STPG2: variants seen among roughly 807,000 people sequenced by gnomAD.
STPG2 encodes the protein sperm tail PG-rich repeat containing 2, also known as sperm-tail PG-rich repeat-containing protein 2.
STPG2 carries 56 observed loss-of-function variants against 54.2 expected under a neutral mutation model. That is an observed-to-expected ratio of 1.03 (90% CI 0.83 to 1.29). The LOEUF (loss-of-function observed/expected upper bound fraction) is 1.29. Among genes scored for constraint, STPG2 ranks in the 50% most tolerant of loss-of-function variants. The pLI, the probability that STPG2 is intolerant of heterozygous loss-of-function variation, is 0.00. For synonymous variants in STPG2, 200 were observed against 181.8 expected (o/e 1.10, Z -0.81); for missense variants, 596 against 544.9 (o/e 1.09, Z -0.93).
intron 3 of STPG2, among the ~76,000 whole-genome samples, chr4:98,117,568 C>T (rs949136455): frequency 5.3e-5 from 8 of 151,878 alleles, no homozygotes; most frequent in Non-Finnish European, 1.0e-4. Context: ...TTGGTATACT[C>T]GACAGTGTCC....
chr4:97,616,092 A>ATATATATATATATAGATATATATATATG (rs764342142), intron 10 of STPG2, among the ~76,000 whole-genome samples: 1 of 63,268 alleles, frequency 1.6e-5, no homozygotes, highest in Non-Finnish European at 3.5e-5. Flanking sequence ...ATATATATAT[A>ATATATATATATATAGATATATATATATG]TATGTATGTA....
At chr4:97,917,775 T>G (rs1731940343) in intron 8 of STPG2, among the ~76,000 whole-genome samples, 1 of 152,016 alleles carries the variant, frequency 6.6e-6, no homozygotes, top group Non-Finnish European at 1.5e-5. Flanking sequence ...GAAAACCCAC[T>G]CTCTGGACAC....
intron 4 of STPG2, among the ~76,000 whole-genome samples, chr4:97,547,855 T>C (rs940468335): frequency 9.2e-5 from 14 of 152,126 alleles, no homozygotes; most frequent in Middle Eastern, 6.8e-3. Context: ...TTTAGCTGTA[T>C]AAAGAGAAAC....
At chr4:98,029,809 C>CTTTGA (rs1404186070) in intron 5 of STPG2, among the ~76,000 whole-genome samples, 1 of 152,132 alleles carries the variant, frequency 6.6e-6, no homozygotes, top group East Asian at 1.9e-4. Context: ...GCAGCCTGAA[C>CTTTGA]GTACTATAGA....
intron 8 of STPG2, among the ~76,000 whole-genome samples, chr4:97,860,504 T>TTTATTTTATTTTATTTTA: frequency 9.3e-6 from 1 of 107,266 alleles, no homozygotes; most frequent in Non-Finnish European, 1.9e-5. Flanking sequence ...TTTATTTTAT[T>TTTATTTTATTTTATTTTA]TTATTTTATT....
chr4:97,738,470 T>A (rs1273549721), intron 9 of STPG2, among the ~76,000 whole-genome samples: 1 of 152,032 alleles, frequency 6.6e-6, no homozygotes, highest in Non-Finnish European at 1.5e-5. Flanking sequence ...GAAACCCATC[T>A]CACGTGCAGA....
At chr4:98,003,774 T>TATTC (rs1423247007) in intron 5 of STPG2, among the ~76,000 whole-genome samples, 2 of 152,114 alleles carry the variant, frequency 1.3e-5, no homozygotes, top group African/African-American at 4.8e-5. Context: ...AATCTGAATG[T>TATTC]ATTCATACTT....
At chr4:97,577,751 T>C (rs1453895797) in intron 10 of STPG2, among the ~76,000 whole-genome samples, 1 of 152,162 alleles carries the variant, frequency 6.6e-6, no homozygotes, top group Admixed American at 6.6e-5. Flanking sequence ...AAATAAATAG[T>C]TCATCTTTTT....
At chr4:97,862,308 A>G (rs945069206) in intron 8 of STPG2, among the ~76,000 whole-genome samples, 2 of 152,114 alleles carry the variant, frequency 1.3e-5, no homozygotes, top group Non-Finnish European at 2.9e-5. Context: ...AGTCTATGAT[A>G]AAACAGACTT....
intron 8 of STPG2, among the ~76,000 whole-genome samples, chr4:97,924,919 T>C (rs1732278639): frequency 6.6e-6 from 1 of 152,238 alleles, no homozygotes; most frequent in African/African-American, 2.4e-5. Context: ...AAATGTTGGA[T>C]GGATGCCATA....
intron 10 of STPG2, among the ~76,000 whole-genome samples, chr4:97,699,453 A>AT (rs778232406): frequency 6.6e-6 from 1 of 152,212 alleles, no homozygotes; most frequent in Non-Finnish European, 1.5e-5. Context: ...GTCCATCCAC[A>AT]TACCTCTTCC....
chr4:97,791,998 C>G (rs1727005842), intron 9 of STPG2, among the ~76,000 whole-genome samples: 1 of 151,942 alleles, frequency 6.6e-6, no homozygotes, highest in South Asian at 2.1e-4. Flanking sequence ...ACAAAGAGAT[C>G]TTGAAAACAG....
At chr4:97,581,576 A>T (rs1035195655) in intron 10 of STPG2, among the ~76,000 whole-genome samples, 1 of 152,118 alleles carries the variant, frequency 6.6e-6, no homozygotes, top group Non-Finnish European at 1.5e-5. Flanking sequence ...TATTAATTAC[A>T]CTATAAAGTC....
intron 4 of STPG2, among the ~76,000 whole-genome samples, chr4:97,546,302 CTAA>C (rs1280799102): frequency 1.3e-5 from 2 of 151,580 alleles, no homozygotes; most frequent in Non-Finnish European, 2.9e-5. Flanking sequence ...AGGCCATTTT[CTAA>C]TAATAGAAAA....
At chr4:98,092,638 T>A (rs1161963408) in intron 5 of STPG2, among the ~76,000 whole-genome samples, 1 of 152,076 alleles carries the variant, frequency 6.6e-6, no homozygotes, top group African/African-American at 2.4e-5. Context: ...TTAGCATAAT[T>A]TTACTTATTT....
intron 9 of STPG2, among the ~76,000 whole-genome samples, chr4:97,714,627 T>C (rs1264006390): frequency 6.6e-6 from 1 of 152,158 alleles, no homozygotes; most frequent in Non-Finnish European, 1.5e-5. Context: ...ATATAATTTA[T>C]ATTTATAGTG....
chr4:97,701,856 G>A (rs1723789163), intron 10 of STPG2, among the ~76,000 whole-genome samples: 1 of 152,146 alleles, frequency 6.6e-6, no homozygotes, highest in African/African-American at 2.4e-5. Flanking sequence ...TTTGACAGTT[G>A]AGTGCCACCA....
At chr4:98,020,340 A>T (rs1736135312) in intron 5 of STPG2, among the ~76,000 whole-genome samples, 2 of 138,732 alleles carry the variant, frequency 1.4e-5, no homozygotes, top group Admixed American at 7.1e-5. Context: ...GCATATATTG[A>T]ACCAGCCTTG....
At chr4:97,820,435 T>A (rs1728049144) in intron 9 of STPG2, among the ~76,000 whole-genome samples, 1 of 152,122 alleles carries the variant, frequency 6.6e-6, no homozygotes, top group African/African-American at 2.4e-5. Flanking sequence ...TTAAGTTCAG[T>A]GAGGAAAGCA....
Sources: allele counts gnomAD v4.1 joint callset (sites outside exome capture counted in the v4.1 genomes callset), GRCh38; gene constraint gnomAD v4.1.1; transcripts MANE v1.5; gene names NCBI Gene and HGNC (gene_info 2026-07-23, HGNC 2026-07-21).